The following FOXP2 variants were observed in gnomAD, a reference collection of about 807,000 sequenced individuals.
FOXP2 encodes forkhead box protein P2.
In FOXP2, 12 loss-of-function variants were observed where a neutral mutation model predicts 115.8. The ratio of observed to expected loss-of-function variants is 0.10; its 90% CI spans 0.07 to 0.17. The LOEUF is 0.17. FOXP2 is among the 10% of genes least tolerant of loss of function. FOXP2 has a pLI of 1.00. For synonymous variants in FOXP2, 328 were observed against 297.7 expected (o/e 1.10, Z -1.05); for missense variants, 629 against 843.5 (o/e 0.75, Z 3.15).
chr7:114,221,979 C>A (rs563362739), intron 1 of FOXP2, among the ~76,000 whole-genome samples: 1 of 152,036 alleles, frequency 6.6e-6, no homozygotes, highest in Non-Finnish European at 1.5e-5. Context: ...GACTTCTGAG[C>A]CAGGTAGGAA....
At chr7:114,489,269 A>G (rs1393168240) in intron 2 of FOXP2, among the ~76,000 whole-genome samples, 1 of 152,142 alleles carries the variant, frequency 6.6e-6, no homozygotes, top group Admixed American at 6.6e-5. Context: ...AGGAATGATA[A>G]TATTCACTAA....
chr7:114,160,816 TTC>T (rs1296779484), upstream of FOXP2, among the ~76,000 whole-genome samples: 1 of 120,826 alleles, frequency 8.3e-6, no homozygotes, highest in Non-Finnish European at 1.7e-5. Flanking sequence ...GTGTGAGTAG[TTC>T]AGTTCTTTAT....
At chr7:114,658,550 T>G (rs1243641035) in intron 11 of FOXP2, among the ~76,000 whole-genome samples, 1 of 152,094 alleles carries the variant, frequency 6.6e-6, no homozygotes, top group Admixed American at 6.6e-5. Flanking sequence ...GATCCTTTGA[T>G]CTCTGAGGGA....
intron 2 of FOXP2, among the ~76,000 whole-genome samples, chr7:114,404,878 T>C (rs1792995258): frequency 6.6e-6 from 1 of 152,038 alleles, no homozygotes; most frequent in Non-Finnish European, 1.5e-5. Context: ...TTCTCTAATG[T>C]AAACTGAAAT....
intron 1 of FOXP2, among the ~76,000 whole-genome samples, chr7:114,092,369 A>G (rs1158775170): frequency 6.6e-6 from 1 of 152,008 alleles, no homozygotes; most frequent in African/African-American, 2.4e-5. Flanking sequence ...CCCCAAAGAA[A>G]GAATGCTACT....
At chr7:114,342,138 A>C (rs528614282) in intron 2 of FOXP2, among the ~76,000 whole-genome samples, 1 of 151,558 alleles carries the variant, frequency 6.6e-6, no homozygotes, top group South Asian at 2.1e-4. Context: ...CTTGAGTAAC[A>C]GGAAAGAACC....
intron 2 of FOXP2, among the ~76,000 whole-genome samples, chr7:114,350,531 T>A (rs981870120): frequency 2.6e-5 from 4 of 152,154 alleles, no homozygotes; most frequent in Non-Finnish European, 5.9e-5. Context: ...TAACATCACT[T>A]ACAATGAAAC....
Position 114,209,785 on chromosome 7 carries a change from A to G in FOXP2, c.-102+46697A>G, listed in dbSNP as rs530103214. On this transcript the variant is annotated intron_variant, in intron 1 of 17. Coordinates refer to the FOXP2 transcript ENST00000634411. Reference sequence around the variant, plus strand: ...CTCCCTGTCTCTTTCAGGTACCGCAATCACTCTCTTTACATAATCCCATAG... The same window carrying G: ...CTCCCTGTCTCTTTCAGGTACCGCAGTCACTCTCTTTACATAATCCCATAG... 1.1e-4 allele frequency among the ~76,000 whole-genome samples: 16 copies of G among 152,204 alleles called. No homozygotes were observed. The South Asian group carries it at 2.5e-3, about 24-fold the overall frequency.
chr7:114,244,636 C>A (rs1795233165), intron 1 of FOXP2, among the ~76,000 whole-genome samples: 1 of 152,094 alleles, frequency 6.6e-6, no homozygotes, highest in East Asian at 1.9e-4. Context: ...ATACCTATTT[C>A]TATTTATCAA....
intron 8 of FOXP2, among the ~76,000 whole-genome samples, chr7:114,650,476 A>G (rs1460925937): frequency 2.0e-5 from 3 of 152,094 alleles, no homozygotes; most frequent in African/African-American, 7.2e-5. Context: ...AGCCTTAAGA[A>G]TACAACACAC....
chr7:114,668,551 A>G (rs1218191925), intron 16 of FOXP2: 1 of 152,126 alleles, frequency 6.6e-6, no homozygotes, highest in East Asian at 1.9e-4. Flanking sequence ...AGGGTTTCCC[A>G]AGGAATTTTA....
chr7:114,584,632 A>G (rs1229627287), intron 3 of FOXP2, among the ~76,000 whole-genome samples: 1 of 151,894 alleles, frequency 6.6e-6, no homozygotes, highest in Non-Finnish European at 1.5e-5. Context: ...TTGCTAACAG[A>G]CTCTCAAAAA....
intron 2 of FOXP2, among the ~76,000 whole-genome samples, chr7:114,337,435 T>C (rs1040119184): frequency 6.6e-6 from 1 of 151,232 alleles, no homozygotes; most frequent in Admixed American, 6.6e-5. Context: ...TTACATATTC[T>C]AATAAGACTT....
At chr7:114,231,307 C>T (rs1794870653) in intron 1 of FOXP2, among the ~76,000 whole-genome samples, 1 of 152,104 alleles carries the variant, frequency 6.6e-6, no homozygotes, top group Non-Finnish European at 1.5e-5. Flanking sequence ...CCAAAGCAAT[C>T]TACAGATTTA....
At chr7:114,187,122 A>C (rs1164983533) in intron 1 of FOXP2, among the ~76,000 whole-genome samples, 1 of 152,208 alleles carries the variant, frequency 6.6e-6, no homozygotes, top group African/African-American at 2.4e-5. Context: ...TCAAATGGTC[A>C]CTGGGCTGCA....
chr7:114,673,708 T>C (rs1187380331), intron 16 of FOXP2, among the ~76,000 whole-genome samples: 1 of 151,536 alleles, frequency 6.6e-6, no homozygotes, highest in Admixed American at 6.6e-5. Flanking sequence ...TGATACTGAC[T>C]TTTTTTTTGA....
chr7:114,173,924 C>T lies in FOXP2; in HGVS notation c.-102+10836C>T, dbSNP rs546213695. The stretch of plus-strand genomic sequence containing the variant: ...AGAGCCCCATTTTTGCATTTGCAGA[C>T]CTGGGTTCAAATGTTTGCTCTGCCA... On this transcript the variant is annotated intron_variant, in intron 1 of 17. Transcript: ENST00000634411. Among the ~76,000 whole-genome samples, 4 of 151,910 alleles carry T rather than the reference C, an allele frequency of 2.6e-5. No homozygotes were observed. In the East Asian group the frequency reaches 5.8e-4, roughly 22 times the overall value.
In FOXP2 at chr7:114,617,815, A is replaced by G. The variant is rs910251953; in HGVS notation, c.259-10725A>G. 3.9e-5 allele frequency among the ~76,000 whole-genome samples: 6 copies of G among 152,176 alleles called. No individual in the cohort carries two copies. In the East Asian group the frequency reaches 9.6e-4, roughly 24 times the overall value. On this transcript the variant is annotated intron_variant, in intron 3 of 16. Coordinates refer to ENST00000350908, the MANE Select transcript of FOXP2 (RefSeq NM_014491.4). ...TCAAAAAGGGAAAAGTAAAAACAAG[A>G]AATGCTTATTGAAAAAATGTTTAAC...
At chr7:114,325,290 C>T (rs960297043) in intron 2 of FOXP2, among the ~76,000 whole-genome samples, 14 of 151,928 alleles carry the variant, frequency 9.2e-5, no homozygotes, top group Admixed American at 6.5e-4. Context: ...TAAGTTTATA[C>T]GATTAATAGT....
Sources: allele counts gnomAD v4.1 joint callset (sites outside exome capture counted in the v4.1 genomes callset), GRCh38; gene constraint gnomAD v4.1.1; transcripts MANE v1.5; gene names NCBI Gene and HGNC (gene_info 2026-07-23, HGNC 2026-07-21).